STAC3: variants seen among roughly 807,000 people sequenced by gnomAD.
STAC3 encodes the protein SH3 and cysteine-rich domain-containing protein 3.
Under a neutral mutation model 48.5 loss-of-function variants are expected in STAC3, and 30 were observed. The ratio of observed to expected loss-of-function variants is 0.62; its 90% CI spans 0.46 to 0.84. The LOEUF (loss-of-function observed/expected upper bound fraction) is 0.84, where lower values mean the gene tolerates loss of function less well. STAC3 is among the 40% of genes least tolerant of loss of function. STAC3 has a pLI of 0.00. For synonymous variants in STAC3, 144 were observed against 158.6 expected (o/e 0.91, Z 0.69); for missense variants, 419 against 462.6 (o/e 0.91, Z 0.86).
In STAC3 at chr12:57,249,159, C is replaced by CTCT. The variant is rs1345922805; in HGVS notation, c.213_215dup (p.Glu76dup). Reference sequence around the variant, plus strand: ...GTTCTGGGGGTGGCTCCTCCTCCTCCTCTTCTTCCTCTTCCTCTTCCTCAT... The same window carrying CTCT: ...GTTCTGGGGGTGGCTCCTCCTCCTCCTCTTCTTCTTCCTCTTCCTCTTCCTCAT... On this transcript the variant is annotated inframe_insertion, in exon 3 of 12. Transcript: ENST00000332782. 10 of 1,613,722 alleles carry CTCT rather than the reference C, an allele frequency of 6.2e-6. No individual in the cohort carries two copies. Among genetic ancestry groups the CTCT allele is most frequent in the Non-Finnish European group, 8.5e-6 (10 of 1,179,964 alleles).
rs758436153 is a variant in STAC3 at position 57,243,638 on chromosome 12, A to G, written c.*174T>C. 1 of 703,812 alleles carries G rather than the reference A, an allele frequency of 1.4e-6. No individual in the cohort carries two copies. The highest frequency in any genetic ancestry group is 1.5e-5 in the South Asian group (1 of 66,802). 43.6% of individuals were successfully genotyped at this position (703,812 alleles called of 1,614,324 possible). ...CTGGGCAGCAGGTATCCGAGGCCCCAGGCTGGGGAAGGGGGCGAGAACCAG... is the reference window on the plus strand; with the variant it reads ...CTGGGCAGCAGGTATCCGAGGCCCCGGGCTGGGGAAGGGGGCGAGAACCAG... On this transcript the variant is annotated 3_prime_UTR_variant, in exon 12 of 12. Transcript: ENST00000332782.
chr12:57,244,291 C>G (rs373881160), intron 10 of STAC3, 24 bp downstream of exon 10: 23 of 1,614,004 alleles, frequency 1.4e-5, no homozygotes, highest in Non-Finnish European at 1.9e-5. Flanking sequence ...CACACTCCAC[C>G]CTAGCCCTAG....
chr12:57,246,699 T>G, intron 6 of STAC3, 105 bp downstream of exon 6: 1 of 1,121,086 alleles, frequency 8.9e-7, no homozygotes, highest in East Asian at 2.5e-5. Context: ...TTTTGTGCAA[T>G]TTTAGGGGAA....
intron 11 of STAC3, 60 bp from the exon 12 acceptor site, chr12:57,243,970 G>A: frequency 6.3e-7 from 1 of 1,598,926 alleles, no homozygotes; most frequent in South Asian, 1.1e-5. Flanking sequence ...GGAGAGGACA[G>A]CAGGGGAGCC....
At chr12:57,244,858 G>T in intron 8 of STAC3, 58 bp downstream of exon 8, 1 of 1,582,386 alleles carries the variant, frequency 6.3e-7, no homozygotes, top group Non-Finnish European at 8.7e-7. Flanking sequence ...ATGAGTAGTG[G>T]TGTCAGAGCT....
At chr12:57,250,088 T>C (rs182580367) in intron 1 of STAC3, among the ~76,000 whole-genome samples, 3 of 151,586 alleles carry the variant, frequency 2.0e-5, no homozygotes, top group African/African-American at 7.3e-5. Flanking sequence ...TTCATGGAGG[T>C]CTAGAAAAAA....
At chr12:57,248,655 G>C (rs775825983) in intron 4 of STAC3, 51 bp downstream of exon 4, 2 of 1,452,782 alleles carry the variant, frequency 1.4e-6, no homozygotes, top group African/African-American at 1.4e-5. Context: ...TTACAGGCGT[G>C]AGCCACCACG....
chr12:57,250,291 G>C (rs1220587666), intron 1 of STAC3, among the ~76,000 whole-genome samples: 1 of 149,382 alleles, frequency 6.7e-6, no homozygotes, highest in Non-Finnish European at 1.5e-5. Context: ...TCAGGAAGCT[G>C]AGGAAGGATA....
In STAC3 at chr12:57,244,190, T is replaced by G. The variant is rs1592242685; in HGVS notation, c.894A>C (p.Pro298=). 6.2e-7 allele frequency: 1 copy of G among 1,614,120 alleles called. No homozygotes were observed. The highest frequency in any genetic ancestry group is 8.5e-7 in the Non-Finnish European group (1 of 1,180,028). Residue 298 remains proline (P), a synonymous_variant, in exon 11 of 12, where the codon CCA becomes CCC. Coordinates refer to ENST00000332782, the MANE Select transcript of STAC3 (RefSeq NM_145064.3). ...KIGEKVGFFP[P]NFIIRVRAGE... Reference sequence around the variant, plus strand: ...CAGCCCGGACCCGAATGATGAAGTTTGGAGGGAAAAATCCGACCTTCTCCC... The same window carrying G: ...CAGCCCGGACCCGAATGATGAAGTTGGGAGGGAAAAATCCGACCTTCTCCC...
chr12:57,248,271 C>A, intron 4 of STAC3, 73 bp from the exon 5 acceptor site: 1 of 1,179,816 alleles, frequency 8.5e-7, no homozygotes, highest in Non-Finnish European at 1.3e-6. Context: ...CCCAGGAGTG[C>A]TCACCCTTTC....
In STAC3 at chr12:57,244,944, T is replaced by C. The variant is rs766144941; in HGVS notation, c.692A>G (p.Lys231Arg). The change falls in exon 8 of 12, where the codon AAG becomes AGG. Residue 231 changes from lysine (K) to arginine (R), a missense_variant. Coordinates refer to ENST00000332782, the MANE Select transcript of STAC3 (RefSeq NM_145064.3). ...PQDGNPEGDKKAEKKTPDDKH... is the reference protein window; with the variant it reads ...PQDGNPEGDKRAEKKTPDDKH... Reference sequence around the variant, plus strand: ...GTCATCAGGTGTCTTCTTCTCAGCCTTCTTATCCCCTTCAGGGTTTCCTGG... The same window carrying C: ...GTCATCAGGTGTCTTCTTCTCAGCCCTCTTATCCCCTTCAGGGTTTCCTGG... 1.2e-6 allele frequency: 2 copies of C among 1,614,174 alleles called. No homozygotes were observed. Among genetic ancestry groups the C allele is most frequent in the Non-Finnish European group, 1.7e-6 (2 of 1,180,034 alleles).
chr12:57,247,428 A>ATTTTTTTTTTT (rs367784960), intron 5 of STAC3, among the ~76,000 whole-genome samples: 3 of 58,532 alleles, frequency 5.1e-5, no homozygotes, highest in African/African-American at 1.7e-4. Context: ...TATTATTATT[A>ATTTTTTTTTTT]TTTTTTTTTT....
At chr12:57,247,030 G>A (rs1307436311) in intron 5 of STAC3, 129 bp from the exon 6 acceptor site, 14 of 815,828 alleles carry the variant, frequency 1.7e-5, no homozygotes, top group Admixed American at 4.0e-5. Flanking sequence ...GGGGCGCCGC[G>A]GGGAAGATTA....
In STAC3 at chr12:57,243,920, TAA is replaced by T; in HGVS notation, c.997-12_997-11del. On this transcript the variant is annotated splice_polypyrimidine_tract_variant and intron_variant, in intron 11 of 11. Coordinates refer to ENST00000332782, the MANE Select transcript of STAC3 (RefSeq NM_145064.3). ...CTTTCTGCACCACGATCTAGAAGATTAAAGGATCAGAAGTAGGAGAGGAATCA... is the reference window on the plus strand; with the variant it reads ...CTTTCTGCACCACGATCTAGAAGATTAGGATCAGAAGTAGGAGAGGAATCA... The T allele has an allele frequency of 6.2e-7, 1 of 1,613,436 alleles. No individual in the cohort carries two copies. Among genetic ancestry groups the T allele is most frequent in the South Asian group, 1.1e-5 (1 of 90,988 alleles).
rs751986280 is a variant in STAC3, at chr12:57,251,175, C to T, written c.-184G>A. 5 of 455,344 alleles carry T rather than the reference C, an allele frequency of 1.1e-5. No homozygotes were observed. Among genetic ancestry groups the T allele is most frequent in the South Asian group, 7.8e-5 (5 of 64,500 alleles). The allele number at this position is 455,344 out of a possible 1,614,324, so 28.2% of individuals were successfully genotyped here. A position where few individuals can be genotyped will look rare whatever the true frequency, so the allele number is the denominator to read the frequency against. On this transcript the variant is annotated 5_prime_UTR_variant, in exon 1 of 12. Transcript: ENST00000332782. ...ACCTCCTAGCCTCCTGCCTTGGTGT[C>T]AGGGCTGAAATGACAGGGCTGGAGG...
chr12:57,249,373 G>A (rs988371973), intron 2 of STAC3, 65 bp from the exon 3 acceptor site: 4 of 1,523,232 alleles, frequency 2.6e-6, no homozygotes, highest in Non-Finnish European at 3.5e-6. Flanking sequence ...GAGTAGGGGG[G>A]CGCTAGAGCA....
At position 57,250,111 on chromosome 12, in the gene STAC3, C is replaced by T. The variant is rs117251743; in HGVS notation, c.-1-474G>A. On this transcript the variant is annotated intron_variant, in intron 1 of 11. Transcript: ENST00000332782. The stretch of plus-strand genomic sequence containing the variant: ...GGTCTAGAAAAAAGCTTAACATGGC[C>T]GGGTGTGGTGGTGCATGCCTGTAAT... Among the ~76,000 whole-genome samples the T allele has an allele frequency of 2.8e-3, 425 of 152,100 alleles. 11 individuals carry two copies. In the East Asian group the frequency reaches 0.05, roughly 18 times the overall value.
rs1296777138 is a variant in STAC3 at position 57,246,817 on chromosome 12, G to C, written c.590C>G (p.Ala197Gly). 3 of 1,613,832 alleles carry C rather than the reference G, an allele frequency of 1.9e-6. No individual in the cohort carries two copies. Among genetic ancestry groups the C allele is most frequent in the South Asian group, 2.2e-5 (2 of 91,072 alleles). The change falls in exon 6 of 12, where the codon GCA becomes GGA. Residue 197 changes from alanine (A) to glycine (G), a missense_variant. Ala to Gly is a moderately conservative substitution (Grantham distance 60). Coordinates refer to ENST00000332782, the MANE Select transcript of STAC3 (RefSeq NM_145064.3). ...TACAGTGCTCACATTTTTCTTATCT[G>C]CCTGTCCCTTCTTCCGTTCCTTGTT... Reference protein sequence around the residue: ...MANKERKKGQADKKNPVAAMM... With the variant: ...MANKERKKGQGDKKNPVAAMM...
chr12:57,248,653 G>T, intron 4 of STAC3, 53 bp downstream of exon 4: 2 of 1,435,430 alleles, frequency 1.4e-6, no homozygotes, highest in South Asian at 1.1e-5. Flanking sequence ...GATTACAGGC[G>T]TGAGCCACCA....
Sources: gnomAD v4.1 joint callset for allele counts (sites outside exome capture counted in the v4.1 genomes callset) on GRCh38, gnomAD v4.1.1 for gene constraint, MANE v1.5 for transcripts, NCBI Gene and HGNC (gene_info 2026-07-23, HGNC 2026-07-21) for gene names.